RABGAP1: variants seen among roughly 807,000 people sequenced by gnomAD.
RABGAP1 encodes rab GTPase-activating protein 1.
A neutral mutation model predicts 137.6 loss-of-function variants in RABGAP1; 23 were observed. That is an observed-to-expected ratio of 0.17 (90% CI 0.12 to 0.24). RABGAP1 has a LOEUF of 0.24. Ranked by LOEUF, RABGAP1 falls within the 10% of genes least tolerant of loss-of-function variation. The probability of loss-of-function intolerance (pLI) is 1.00; values close to 1 mark genes in which losing one functional copy is unlikely to be tolerated. For missense variants in RABGAP1, 906 were observed against 1,275.8 expected (o/e 0.71, Z 4.42); for synonymous variants, 451 against 450.7 (o/e 1.00, Z -0.01).
In RABGAP1 at chr9:122,962,360, C is replaced by G. The variant is rs528040788; in HGVS notation, c.150+5151C>G. Among the ~76,000 whole-genome samples the G allele has an allele frequency of 2.6e-5, 4 of 151,548 alleles. No individual in the cohort carries two copies. The East Asian group carries it at 7.8e-4, about 29-fold the overall frequency. ...CCCATCTCTACAAAAAACAAACAAACCCCCACAAATCAGCCAGGCATTGTG... is the reference window on the plus strand; with the variant it reads ...CCCATCTCTACAAAAAACAAACAAAGCCCCACAAATCAGCCAGGCATTGTG... On this transcript the variant is annotated intron_variant, in intron 2 of 25. Transcript: ENST00000373647.
intron 17 of RABGAP1, 58 bp downstream of exon 17, chr9:123,074,486 A>G: frequency 6.7e-7 from 1 of 1,490,992 alleles, no homozygotes; most frequent in Non-Finnish European, 9.1e-7. Context: ...TGAGGAGAAC[A>G]GATTCTGTTT....
At chr9:122,981,347 G>C (rs562443073) in intron 2 of RABGAP1, among the ~76,000 whole-genome samples, 9 of 152,128 alleles carry the variant, frequency 5.9e-5, no homozygotes, top group Admixed American at 5.2e-4. Context: ...TTTTAAAGCA[G>C]AACTTCTGAA....
intron 13 of RABGAP1, among the ~76,000 whole-genome samples, chr9:123,056,964 A>G (rs563384589): frequency 3.9e-5 from 6 of 152,318 alleles, no homozygotes; most frequent in African/African-American, 1.2e-4. Context: ...CATTGTCATC[A>G]TGGCCCGTTC....
intron 13 of RABGAP1, chr9:123,035,157 G>A (rs2032556013): frequency 6.2e-7 from 1 of 1,613,878 alleles, no homozygotes; most frequent in African/African-American, 1.3e-5. Context: ...TCATCGTGAT[G>A]ATGTTATATG....
At chr9:123,081,320 C>T (rs1410191491) in intron 19 of RABGAP1, among the ~76,000 whole-genome samples, 3 of 152,180 alleles carry the variant, frequency 2.0e-5, no homozygotes, top group Admixed American at 1.3e-4. Flanking sequence ...GGCGTCAGTG[C>T]CCCTAACTCG....
At position 123,020,408 on chromosome 9, in the gene RABGAP1, C is replaced by T; in HGVS notation, c.1743C>T (p.Gly581=). Residue 581 remains glycine, a synonymous_variant, in exon 13 of 26, where the codon GGC becomes GGT. Coordinates refer to ENST00000373647, the MANE Select transcript of RABGAP1 (RefSeq NM_012197.4). The part of the protein sequence containing the change: ...LRGEVWQLLA[G]CHNNDHLVEK... ...GAGAAGTCTGGCAGCTGCTAGCAGG[C>T]TGTCATAACAATGACCACCTGGTAG... 1 of 1,607,446 alleles carries T rather than the reference C, an allele frequency of 6.2e-7. No homozygotes were observed. The highest frequency in any genetic ancestry group is 8.5e-7 in the Non-Finnish European group (1 of 1,176,706).
At chr9:122,989,195 A>G (rs1836533539) in intron 4 of RABGAP1, 102 bp from the exon 5 acceptor site, 1 of 1,072,810 alleles carries the variant, frequency 9.3e-7, no homozygotes, top group Non-Finnish European at 1.4e-6. Flanking sequence ...TACCAAATAT[A>G]TGATCTTCTT....
chr9:122,969,931 C>T (rs1022947724), intron 2 of RABGAP1, among the ~76,000 whole-genome samples: 2 of 152,048 alleles, frequency 1.3e-5, no homozygotes, highest in Non-Finnish European at 2.9e-5. Context: ...GAGTTTTGCT[C>T]TGTTGCCCAG....
At chr9:123,022,154 C>T (rs777104333) in intron 13 of RABGAP1, among the ~76,000 whole-genome samples, 12 of 151,992 alleles carry the variant, frequency 7.9e-5, no homozygotes, top group Non-Finnish European at 1.3e-4. Flanking sequence ...AATGTTTGGT[C>T]AAAAATGATT....
At chr9:123,079,721 CT>C (rs1160254935) in intron 19 of RABGAP1, among the ~76,000 whole-genome samples, 2 of 152,120 alleles carry the variant, frequency 1.3e-5, no homozygotes, top group African/African-American at 4.8e-5. Context: ...GTCAGTCTCT[CT>C]GCTTGTAATG....
intron 1 of RABGAP1, among the ~76,000 whole-genome samples, chr9:122,947,393 A>G (rs572172834): frequency 6.0e-4 from 91 of 152,276 alleles, no homozygotes; most frequent in African/African-American, 2.2e-3. Flanking sequence ...TGTTCCAAGG[A>G]TAGATGATGG....
intron 1 of RABGAP1, among the ~76,000 whole-genome samples, chr9:122,946,625 G>A (rs997019864): frequency 3.9e-5 from 6 of 152,162 alleles, no homozygotes; most frequent in Non-Finnish European, 4.4e-5. Flanking sequence ...TGTTCCCAGG[G>A]ATAGCTTCTA....
At chr9:123,029,249 C>G in intron 13 of RABGAP1, 1 of 474,434 alleles carries the variant, frequency 2.1e-6, no homozygotes, top group Non-Finnish European at 3.8e-6. Flanking sequence ...TTTGGAATGA[C>G]AGTTACATAA....
intron 21 of RABGAP1, among the ~76,000 whole-genome samples, chr9:123,095,226 CAAAAAAAA>C (rs55675466): frequency 4.9e-5 from 3 of 61,250 alleles, no homozygotes; most frequent in East Asian, 5.2e-4. Flanking sequence ...AACCTTGTCC[CAAAAAAAA>C]AAAAAAAAAA....
At position 123,010,316 on chromosome 9, in the gene RABGAP1, C is replaced by G. The variant is rs756450070; in HGVS notation, c.1375-38C>G. ...TGCAATTAATTAAAAACATAAAGAA[C>G]TTTACTGCTTAATAAATAATATTTT... On this transcript the variant is annotated intron_variant, in intron 10 of 25. Coordinates refer to ENST00000373647, the MANE Select transcript of RABGAP1 (RefSeq NM_012197.4). 7.2e-6 allele frequency: 11 copies of G among 1,532,528 alleles called. No homozygotes were observed. The African/African-American group carries it at 1.5e-4, about 21-fold the overall frequency. 94.9% of individuals were successfully genotyped at this position (1,532,528 alleles called of 1,614,324 possible). A position where few individuals can be genotyped will look rare whatever the true frequency, so the allele number is the denominator to read the frequency against.
At chr9:122,969,693 A>AT (rs570314964) in intron 2 of RABGAP1, among the ~76,000 whole-genome samples, 22 of 151,556 alleles carry the variant, frequency 1.5e-4, no homozygotes, top group East Asian at 3.9e-4. Flanking sequence ...TTCCTAACAC[A>AT]TTTTTTTTGC....
intron 13 of RABGAP1, among the ~76,000 whole-genome samples, chr9:123,042,808 G>T (rs367601981): frequency 1.3e-5 from 2 of 152,296 alleles, no homozygotes; most frequent in Middle Eastern, 3.4e-3. Flanking sequence ...AAAGATACGT[G>T]TTTTCATAAT....
At chr9:122,995,327 T>C (rs965163696) in intron 6 of RABGAP1, among the ~76,000 whole-genome samples, 9 of 152,284 alleles carry the variant, frequency 5.9e-5, no homozygotes, top group South Asian at 2.1e-4. Flanking sequence ...AGATCTATGA[T>C]TAAGTATCTT....
In RABGAP1 at chr9:123,034,813, G is replaced by A. The variant is rs148759411; in HGVS notation, c.1794+14354G>A. On this transcript the variant is annotated intron_variant, in intron 13 of 25. Coordinates refer to ENST00000373647, the MANE Select transcript of RABGAP1 (RefSeq NM_012197.4). ...TGACCTTTTTGTTGGGGTGAGCTGC[G>A]TGGTCCCTTCTTTATCACTCCTCCA... 26 of 1,613,928 alleles carry A rather than the reference G, an allele frequency of 1.6e-5. No homozygotes were observed. The East Asian group carries it at 1.8e-4, about 11-fold the overall frequency.
Sources: gnomAD v4.1 joint callset for allele counts (sites outside exome capture counted in the v4.1 genomes callset) on GRCh38, gnomAD v4.1.1 for gene constraint, MANE v1.5 for transcripts, NCBI Gene and HGNC (gene_info 2026-07-23, HGNC 2026-07-21) for gene names.